The following ESR1 variants were observed in gnomAD, a reference collection of about 807,000 sequenced individuals.
ESR1 encodes the protein estrogen receptor 1.
In ESR1, 12 loss-of-function variants were observed where a neutral mutation model predicts 52.7. That is an observed-to-expected ratio of 0.23 (90% CI 0.15 to 0.37). The LOEUF (loss-of-function observed/expected upper bound fraction) is 0.37, where lower values mean the gene tolerates loss of function less well. ESR1 is among the 10% of genes least tolerant of loss of function. The pLI is 1.00. For missense variants in ESR1, 584 were observed against 779.7 expected, an observed-to-expected ratio of 0.75 and a Z score of 2.99; for synonymous variants, 305 against 316.8, an observed-to-expected ratio of 0.96 and a Z score of 0.39.
chr6:151,661,825 C>G (rs1381914728), intron 1 of ESR1, among the ~76,000 whole-genome samples: 2 of 152,186 alleles, frequency 1.3e-5, no homozygotes, highest in Non-Finnish European at 2.9e-5. Flanking sequence ...CTTTCTCTCC[C>G]TCTCTCTCCT....
intron 4 of ESR1, among the ~76,000 whole-genome samples, chr6:152,010,438 C>T (rs1244826132): frequency 6.6e-6 from 1 of 151,910 alleles, no homozygotes; most frequent in Non-Finnish European, 1.5e-5. Flanking sequence ...TAGAGTCATT[C>T]CCATGGATAA....
rs542619399 is a variant in ESR1, at chr6:152,050,606, A to G, written c.1236-10385A>G. ...CCATAGCTTACAACAGTTAAAGAAC[A>G]CTAACATATAAACATAGAGTTTTGC... On this transcript the variant is annotated intron_variant, in intron 5 of 7. Coordinates refer to ENST00000206249, the MANE Select transcript of ESR1 (RefSeq NM_000125.4). Among the ~76,000 whole-genome samples, 4 of 152,342 alleles carry G rather than the reference A, an allele frequency of 2.6e-5. No homozygotes were observed. In the South Asian group the frequency reaches 8.3e-4, roughly 32 times the overall value.
chr6:151,883,376 C>T (rs1016660368), intron 3 of ESR1, among the ~76,000 whole-genome samples: 7 of 151,964 alleles, frequency 4.6e-5, no homozygotes, highest in Admixed American at 4.6e-4. Context: ...GATCCGCCCA[C>T]CTCGGCTTCC....
intron 2 of ESR1, among the ~76,000 whole-genome samples, chr6:151,748,864 A>G (rs2152751): frequency 0.59 from 89,691 of 151,968 alleles, 27,214 homozygotes; most frequent in African/African-American, 0.68. Context: ...TAGAGATTGT[A>G]TCTAAATTTG....
At chr6:152,059,666 C>A (rs1051714660) in intron 5 of ESR1, among the ~76,000 whole-genome samples, 1 of 152,130 alleles carries the variant, frequency 6.6e-6, no homozygotes, top group Non-Finnish European at 1.5e-5. Context: ...TTTGAACTAT[C>A]AAAATTTAAA....
At chr6:151,734,403 A>G (rs2128045167) in intron 2 of ESR1, among the ~76,000 whole-genome samples, 1 of 152,258 alleles carries the variant, frequency 6.6e-6, no homozygotes, top group South Asian at 2.1e-4. Flanking sequence ...ACTGGCTTCA[A>G]ATGCTGGGTC....
At position 151,701,537 on chromosome 6, in the gene ESR1, A is replaced by G. The variant is rs900879305; in HGVS notation, c.-201-338A>G. On this transcript the variant is annotated intron_variant, in intron 1 of 2. Coordinates refer to the ESR1 transcript ENST00000404742. ...AGAGCGACACTACATCTCAAAAAAAAAAAAAAAAAAAAAAAGAAGAAGAAG... is the reference window on the plus strand; with the variant it reads ...AGAGCGACACTACATCTCAAAAAAAGAAAAAAAAAAAAAAAGAAGAAGAAG... Among the ~76,000 whole-genome samples, 36 of 67,958 alleles carry G rather than the reference A, an allele frequency of 5.3e-4. 1 individual carries two copies. Among genetic ancestry groups the G allele is most frequent in the Admixed American group, 1.5e-3 (10 of 6,638 alleles). The allele number at this position is 67,958 out of a possible 152,430, so 44.6% of individuals were successfully genotyped here.
intron 1 of ESR1, among the ~76,000 whole-genome samples, chr6:151,663,415 T>C (rs576923588): frequency 7.9e-5 from 12 of 152,374 alleles, no homozygotes; most frequent in African/African-American, 2.6e-4. Flanking sequence ...CTTTGCCCAG[T>C]ACATTTAGTA....
intron 4 of ESR1, among the ~76,000 whole-genome samples, chr6:151,998,833 CT>C (rs1485505784): frequency 6.6e-6 from 1 of 152,104 alleles, no homozygotes; most frequent in African/African-American, 2.4e-5. Flanking sequence ...AAACAGCATC[CT>C]TTCATGTAGC....
At chr6:151,675,204 T>C (rs990142520) in intron 1 of ESR1, among the ~76,000 whole-genome samples, 1 of 152,182 alleles carries the variant, frequency 6.6e-6, no homozygotes, top group Non-Finnish European at 1.5e-5. Context: ...GAATGTATGG[T>C]TTAGAAAACA....
At chr6:151,801,877 G>A (rs184444685), upstream of ESR1, among the ~76,000 whole-genome samples, 12 of 152,276 alleles carry the variant, frequency 7.9e-5, no homozygotes, top group East Asian at 2.1e-3. Context: ...CTGGGCCATT[G>A]GTAGGAAATG....
At chr6:151,909,545 C>T (rs567680278) in intron 3 of ESR1, among the ~76,000 whole-genome samples, 31 of 152,274 alleles carry the variant, frequency 2.0e-4, no homozygotes, top group Non-Finnish European at 4.4e-4. Flanking sequence ...CTGCATAAAC[C>T]GGTGTCAGGA....
At chr6:151,894,126 A>C (rs1439055590) in intron 3 of ESR1, among the ~76,000 whole-genome samples, 1 of 152,002 alleles carries the variant, frequency 6.6e-6, no homozygotes, top group Non-Finnish European at 1.5e-5. Context: ...TGTGGTTTTG[A>C]GTTGCATTTC....
chr6:151,915,402 G>A (rs367642745), intron 3 of ESR1, among the ~76,000 whole-genome samples: 1 of 152,200 alleles, frequency 6.6e-6, no homozygotes, highest in East Asian at 1.9e-4. Context: ...TGAAATTATA[G>A]CAACAGGAGC....
chr6:151,909,835 T>C (rs1797991744), intron 3 of ESR1, among the ~76,000 whole-genome samples: 1 of 152,070 alleles, frequency 6.6e-6, no homozygotes, highest in Non-Finnish European at 1.5e-5. Flanking sequence ...CTTCTGTGTC[T>C]TTGGGCAGAC....
At chr6:151,706,187 T>G (rs1780172409) in intron 2 of ESR1, among the ~76,000 whole-genome samples, 1 of 152,258 alleles carries the variant, frequency 6.6e-6, no homozygotes, top group Non-Finnish European at 1.5e-5. Context: ...ATTGCGACAT[T>G]CAGCCATTGC....
chr6:151,725,410 C>A (rs961236892), intron 2 of ESR1, among the ~76,000 whole-genome samples: 9 of 152,044 alleles, frequency 5.9e-5, no homozygotes, highest in Non-Finnish European at 1.0e-4. Flanking sequence ...AGTCTTAAAT[C>A]TTTTTGTTTG....
intron 2 of ESR1, among the ~76,000 whole-genome samples, chr6:151,719,944 G>T (rs1278720831): frequency 6.6e-6 from 1 of 152,084 alleles, no homozygotes; most frequent in Non-Finnish European, 1.5e-5. Context: ...TTTGACTTAG[G>T]ATACTAGTCT....
chr6:151,740,015 T>A (rs1332671154), intron 2 of ESR1, among the ~76,000 whole-genome samples: 2 of 152,226 alleles, frequency 1.3e-5, no homozygotes, highest in East Asian at 1.9e-4. Flanking sequence ...ATTTAATGGA[T>A]CACTTTAGAC....
Sources: allele counts gnomAD v4.1 joint callset (sites outside exome capture counted in the v4.1 genomes callset), GRCh38; gene constraint gnomAD v4.1.1; transcripts MANE v1.5; gene names NCBI Gene and HGNC (gene_info 2026-07-23, HGNC 2026-07-21).